The following SLC9A7 variants were observed in gnomAD, a reference collection of about 807,000 sequenced individuals.
SLC9A7 encodes solute carrier family 9 member A7.
In SLC9A7, 19 loss-of-function variants were observed where a neutral mutation model predicts 52.6. The observed-to-expected ratio is 0.36, with a 90% CI of 0.25 to 0.53. SLC9A7 has a LOEUF of 0.53. Among genes scored for constraint, SLC9A7 ranks in the 20% least tolerant of loss-of-function variants. SLC9A7 has a pLI of 0.91. For synonymous variants in SLC9A7, 226 were observed against 252.1 expected (o/e 0.90, Z 0.98); for missense variants, 455 against 597.9 (o/e 0.76, Z 2.49).
At chrX:46,647,104 C>T in intron 11 of SLC9A7, 1 of 336,224 alleles carries the variant, frequency 3.0e-6, no homozygotes. Flanking sequence ...CGGGCAGCCA[C>T]ATCAGGTCAG....
intron 12 of SLC9A7, among the ~76,000 whole-genome samples, chrX:46,636,908 T>C (rs1458630610): frequency 8.9e-6 from 1 of 112,264 alleles, no homozygotes; most frequent in Non-Finnish European, 1.9e-5. Context: ...TACTTTTAAT[T>C]AGTTACATGT....
intron 5 of SLC9A7, among the ~76,000 whole-genome samples, chrX:46,666,781 T>C (rs1602203879): frequency 8.9e-6 from 1 of 112,668 alleles, no homozygotes; most frequent in African/African-American, 3.2e-5. Flanking sequence ...ATAATCTTTA[T>C]GTTAAACTAA....
intron 11 of SLC9A7, chrX:46,646,678 G>C: frequency 3.6e-6 from 1 of 281,240 alleles, no homozygotes; most frequent in Admixed American, 3.6e-5. Context: ...GCATGCGCCT[G>C]ATGTGCTTCA....
At chrX:46,684,600 T>C (rs1372846929) in intron 1 of SLC9A7, among the ~76,000 whole-genome samples, 3 of 112,425 alleles carry the variant, frequency 2.7e-5, no homozygotes, top group Non-Finnish European at 5.6e-5. Flanking sequence ...ATAACTCAGA[T>C]AGTGCTAGCT....
intron 1 of SLC9A7, among the ~76,000 whole-genome samples, chrX:46,745,104 T>C (rs1224570038): frequency 9.0e-6 from 1 of 111,500 alleles, no homozygotes. Context: ...AAGTGAACAA[T>C]GACTCAAGAA....
intron 3 of SLC9A7, among the ~76,000 whole-genome samples, chrX:46,675,718 C>A (rs186918650): frequency 8.9e-6 from 1 of 112,045 alleles, no homozygotes; most frequent in East Asian, 2.8e-4. Flanking sequence ...GTCATAAGAC[C>A]CTCATTTCAG....
rs1327899185 is a variant in SLC9A7 at position 46,605,186 on chromosome X, A to C, written c.*1766T>G. On this transcript the variant is annotated 3_prime_UTR_variant, in exon 17 of 17. Coordinates refer to ENST00000616978, the MANE Select transcript of SLC9A7 (RefSeq NM_001257291.2). ...AGCCTGGGTGACACAGCGAGACTCCATCTCAAAAAAAAAAAAAAAAAGGAA... is the reference window on the plus strand; with the variant it reads ...AGCCTGGGTGACACAGCGAGACTCCCTCTCAAAAAAAAAAAAAAAAAGGAA... The C allele has an allele frequency of 1.2e-5, 1 of 81,598 alleles. No individual in the cohort carries two copies. 6.7% of individuals were successfully genotyped at this position (81,598 alleles called of 1,213,427 possible).
chrX:46,734,097 A>G (rs1428741124), intron 1 of SLC9A7, among the ~76,000 whole-genome samples: 1 of 112,000 alleles, frequency 8.9e-6, no homozygotes, highest in Non-Finnish European at 1.9e-5. Context: ...ATCATAGGAT[A>G]TTTAGTAGTA....
At chrX:46,636,881 G>A (rs1292175403) in intron 12 of SLC9A7, among the ~76,000 whole-genome samples, 1 of 112,049 alleles carries the variant, frequency 8.9e-6, no homozygotes, top group Non-Finnish European at 1.9e-5. Flanking sequence ...GTGAGGACAC[G>A]ATGCTTCTTA....
At chrX:46,750,597 G>A (rs1417573684) in intron 1 of SLC9A7, among the ~76,000 whole-genome samples, 1 of 111,792 alleles carries the variant, frequency 8.9e-6, no homozygotes, top group Non-Finnish European at 1.9e-5. Flanking sequence ...CAATCCTCCC[G>A]CTTCGGCCTC....
At chrX:46,636,755 G>T (rs1362810262) in intron 12 of SLC9A7, among the ~76,000 whole-genome samples, 1 of 111,695 alleles carries the variant, frequency 9.0e-6, no homozygotes, top group Non-Finnish European at 1.9e-5. Flanking sequence ...GGAGGTAACT[G>T]AGGAAAAAGT....
chrX:46,736,895 G>C (rs1004361530), intron 1 of SLC9A7, among the ~76,000 whole-genome samples: 2 of 110,948 alleles, frequency 1.8e-5, no homozygotes, highest in Middle Eastern at 4.2e-3. Context: ...TGAGAAATGG[G>C]GGTATTCTGA....
intron 1 of SLC9A7, among the ~76,000 whole-genome samples, chrX:46,748,976 T>C (rs926304097): frequency 1.8e-5 from 2 of 110,824 alleles, no homozygotes; most frequent in African/African-American, 3.3e-5. Flanking sequence ...AAAAAAAAAA[T>C]AAACAACTAC....
At chrX:46,619,507 C>G (rs976990350) in intron 15 of SLC9A7, among the ~76,000 whole-genome samples, 1 of 111,578 alleles carries the variant, frequency 9.0e-6, no homozygotes, top group African/African-American at 3.3e-5. Context: ...ACAAGGAGAA[C>G]AAATGAACTA....
chrX:46,736,298 T>C (rs1172516791), intron 1 of SLC9A7, among the ~76,000 whole-genome samples: 1 of 112,054 alleles, frequency 8.9e-6, no homozygotes, highest in African/African-American at 3.2e-5. Flanking sequence ...TTTCTTTTAT[T>C]TTCCATCTCT....
At chrX:46,758,640 C>T in intron 1 of SLC9A7, 65 bp downstream of exon 1, 1 of 765,536 alleles carries the variant, frequency 1.3e-6, no homozygotes, top group Non-Finnish European at 1.8e-6. Flanking sequence ...GAGCACCGCG[C>T]GGCGCCAGGA....
Position 46,660,698 on chromosome X carries a change from C to G in SLC9A7, c.1041+1318G>C, listed in dbSNP as rs1324451203. ...ACCATCTCACACCAGTTAGAATGGCCATCATTAAAAAGTCAGGAAACAACA... is the reference window on the plus strand; with the variant it reads ...ACCATCTCACACCAGTTAGAATGGCGATCATTAAAAAGTCAGGAAACAACA... On this transcript the variant is annotated intron_variant, in intron 7 of 16. Coordinates refer to ENST00000616978, the MANE Select transcript of SLC9A7 (RefSeq NM_001257291.2). Among the ~76,000 whole-genome samples the G allele has an allele frequency of 4.6e-5, 5 of 109,281 alleles. No individual in the cohort carries two copies. The South Asian group carries it at 1.2e-3, about 27-fold the overall frequency. 94.9% of individuals were successfully genotyped at this position (109,281 alleles called of 115,157 possible).
At chrX:46,610,687 T>C (rs1468119329) in intron 16 of SLC9A7, among the ~76,000 whole-genome samples, 1 of 111,765 alleles carries the variant, frequency 8.9e-6, no homozygotes, top group East Asian at 2.8e-4. Context: ...CAGTCTTAGG[T>C]TGGCTGTGGG....
intron 1 of SLC9A7, among the ~76,000 whole-genome samples, chrX:46,748,364 AAAGG>A (rs57555325): frequency 0.25 from 12,678 of 51,133 alleles, 1,301 homozygotes; most frequent in Middle Eastern, 0.34. Context: ...AAAAAGAAAG[AAAGG>A]AAGGAAGGAA....
Sources: gnomAD v4.1 joint callset for allele counts (sites outside exome capture counted in the v4.1 genomes callset) on GRCh38, gnomAD v4.1.1 for gene constraint, MANE v1.5 for transcripts, NCBI Gene and HGNC (gene_info 2026-07-23, HGNC 2026-07-21) for gene names.